RB1CC1: variants seen among roughly 807,000 people sequenced by gnomAD.
RB1CC1 encodes RB1-inducible coiled-coil protein 1.
Under a neutral mutation model 177.5 loss-of-function variants are expected in RB1CC1, and 46 were observed. That is an observed-to-expected ratio of 0.26 (90% CI 0.20 to 0.33). The LOEUF (loss-of-function observed/expected upper bound fraction) is 0.33, where lower values mean the gene tolerates loss of function less well. Ranked by LOEUF, RB1CC1 falls within the 10% of genes least tolerant of loss-of-function variation. RB1CC1 has a pLI of 1.00. For synonymous variants in RB1CC1, 666 were observed against 613.6 expected (o/e 1.09, Z -1.26); for missense variants, 1,703 against 1,816.3 (o/e 0.94, Z 1.13).
At position 52,656,769 on chromosome 8, in the gene RB1CC1, T is replaced by C; in HGVS notation, c.3060A>G (p.Glu1020=). 1 of 1,613,952 alleles carries C rather than the reference T, an allele frequency of 6.2e-7. No homozygotes were observed. The highest frequency in any genetic ancestry group is 2.2e-5 in the East Asian group (1 of 44,860). Residue 1020 remains glutamate (E), a synonymous_variant, in exon 15 of 24, where the codon GAA becomes GAG. Coordinates refer to ENST00000025008, the MANE Select transcript of RB1CC1 (RefSeq NM_014781.5). ...GTATTTGATTAATTATTTGTTGGTT[T>C]TCCTTTTTTAATTCCTCCAAAGAAA... ...HRVSLEELKK[E]NQQIINQIQE...
intron 18 of RB1CC1, among the ~76,000 whole-genome samples, chr8:52,638,160 T>C (rs551578737): frequency 2.0e-5 from 3 of 152,296 alleles, no homozygotes; most frequent in South Asian, 4.1e-4. Context: ...AGGAAGTCAA[T>C]TCCTAGTTTG....
At position 52,672,449 on chromosome 8, in the gene RB1CC1, G is replaced by GA. The variant is rs1324424441; in HGVS notation, c.1002+1395dup. On this transcript the variant is annotated intron_variant, in intron 7 of 23. Transcript: ENST00000025008. Reference sequence around the variant, plus strand: ...TGACATCTGGCACAGCTTAATTACAGAAAAAATGATAGGCCAGGTGCAGTG... The same window carrying GA: ...TGACATCTGGCACAGCTTAATTACAGAAAAAAATGATAGGCCAGGTGCAGTG... 8.5e-5 allele frequency among the ~76,000 whole-genome samples: 13 copies of GA among 152,230 alleles called. No homozygotes were observed. The East Asian group carries it at 1.4e-3, about 16-fold the overall frequency.
At chr8:52,701,152 T>C (rs1250433254) in intron 1 of RB1CC1, among the ~76,000 whole-genome samples, 2 of 152,092 alleles carry the variant, frequency 1.3e-5, no homozygotes, top group African/African-American at 4.8e-5. Context: ...GATGGAATTT[T>C]GCTCTTGTTG....
intron 18 of RB1CC1, among the ~76,000 whole-genome samples, chr8:52,637,683 A>ATT (rs1336118078): frequency 1.2e-4 from 18 of 151,636 alleles, no homozygotes; most frequent in Admixed American, 3.9e-4. Context: ...TTATTTATTT[A>ATT]TATATTTATT....
chr8:52,705,979 C>T (rs762068816), intron 1 of RB1CC1, among the ~76,000 whole-genome samples: 2 of 152,076 alleles, frequency 1.3e-5, no homozygotes, highest in Non-Finnish European at 1.5e-5. Flanking sequence ...TTTATTTTTA[C>T]AACTAATGCA....
intron 1 of RB1CC1, among the ~76,000 whole-genome samples, chr8:52,691,570 C>T (rs1854858228): frequency 6.6e-6 from 1 of 152,176 alleles, no homozygotes; most frequent in Non-Finnish European, 1.5e-5. Context: ...GACTCTAGAA[C>T]CTAAAATTTG....
chr8:52,660,239 G>C (rs970027783), intron 12 of RB1CC1, among the ~76,000 whole-genome samples: 1 of 151,992 alleles, frequency 6.6e-6, no homozygotes, highest in African/African-American at 2.4e-5. Context: ...AGGAGGAGGT[G>C]GAGGCTGTAA....
chr8:52,660,817 A>G (rs905946685), intron 11 of RB1CC1, 109 bp downstream of exon 11: 11 of 1,116,830 alleles, frequency 9.8e-6, no homozygotes, highest in Non-Finnish European at 1.3e-5. Flanking sequence ...TATTTCCTAG[A>G]TATCAATGGC....
At chr8:52,673,748 A>G (rs1378456833) in intron 7 of RB1CC1, 97 bp downstream of exon 7, 2 of 1,148,452 alleles carry the variant, frequency 1.7e-6, no homozygotes, top group Non-Finnish European at 2.4e-6. Context: ...TATTTCTACT[A>G]AAAGGTAATA....
At chr8:52,646,130 T>C (rs907909256) in intron 15 of RB1CC1, among the ~76,000 whole-genome samples, 2 of 152,138 alleles carry the variant, frequency 1.3e-5, no homozygotes, top group African/African-American at 4.8e-5. Context: ...TCAACATACA[T>C]AAAAATCAAG....
intron 16 of RB1CC1, among the ~76,000 whole-genome samples, chr8:52,644,786 T>G (rs899503440): frequency 2.6e-5 from 4 of 152,204 alleles, no homozygotes; most frequent in African/African-American, 9.7e-5. Context: ...ACAAAGACAC[T>G]AATTAATCAT....
At chr8:52,647,881 T>G (rs889070735) in intron 15 of RB1CC1, among the ~76,000 whole-genome samples, 1 of 152,086 alleles carries the variant, frequency 6.6e-6, no homozygotes, top group African/African-American at 2.4e-5. Flanking sequence ...TGTGGCACAG[T>G]AAAGAAGCCT....
chr8:52,673,967 T>C lies in RB1CC1; in HGVS notation c.880A>G (p.Ile294Val). The C allele has an allele frequency of 6.2e-7, 1 of 1,614,202 alleles. No homozygotes were observed. The highest frequency in any genetic ancestry group is 8.5e-7 in the Non-Finnish European group (1 of 1,180,026). The change falls in exon 7 of 24, where the codon ATT becomes GTT. Residue 294 changes from isoleucine to valine, a missense_variant. By Grantham distance (29) the Ile-to-Val change is conservative. Coordinates refer to ENST00000025008, the MANE Select transcript of RB1CC1 (RefSeq NM_014781.5). ...GGCAGATCACCATCTTTAGTGTCAA[T>C]CGTAGTTTCATCTTGCTGATGAACA... ...STVHQQDETT[I>V]DTKDGDLPFF...
At position 52,676,493 on chromosome 8, in the gene RB1CC1, A is replaced by G; in HGVS notation, c.448T>C (p.Trp150Arg). Residue 150 changes from tryptophan to arginine, a missense_variant, in exon 6 of 24, where the codon TGG (tryptophan) becomes CGG (arginine). Physicochemically the swap from Trp to Arg is moderately radical, Grantham distance 101 (BLOSUM62 -3). Coordinates refer to ENST00000025008, the MANE Select transcript of RB1CC1 (RefSeq NM_014781.5). ...VHDEHLQHQG[W>R]AAIMANLEDC... Reference sequence around the variant, plus strand: ...TCCAGGTTGGCCATGATTGCAGCCCAGCCTTGGTGTTGAAGATGTTCATCA... The same window carrying G: ...TCCAGGTTGGCCATGATTGCAGCCCGGCCTTGGTGTTGAAGATGTTCATCA... 6.2e-7 allele frequency: 1 copy of G among 1,613,776 alleles called. No homozygotes were observed. The highest frequency in any genetic ancestry group is 8.5e-7 in the Non-Finnish European group (1 of 1,179,876).
At chr8:52,692,678 T>G (rs1854993153) in intron 1 of RB1CC1, among the ~76,000 whole-genome samples, 1 of 152,276 alleles carries the variant, frequency 6.6e-6, no homozygotes, top group Admixed American at 6.5e-5. Context: ...TAAGACTACA[T>G]GTAGTAAGCA....
At chr8:52,658,838 G>A (rs750270547) in intron 13 of RB1CC1, 35 bp downstream of exon 13, 5 of 1,422,174 alleles carry the variant, frequency 3.5e-6, no homozygotes, top group South Asian at 1.3e-5. Flanking sequence ...ACATTTTAAG[G>A]TTATAAATTA....
At chr8:52,664,896 C>T (rs2150516511) in intron 8 of RB1CC1, among the ~76,000 whole-genome samples, 1 of 152,220 alleles carries the variant, frequency 6.6e-6, no homozygotes, top group South Asian at 2.1e-4. Flanking sequence ...ATAAAACCAT[C>T]CAATGTACCT....
In RB1CC1 at chr8:52,642,940, A is replaced by T. The variant is rs1054312856; in HGVS notation, c.3988-128T>A. On this transcript the variant is annotated intron_variant, in intron 16 of 23. Coordinates refer to ENST00000025008, the MANE Select transcript of RB1CC1 (RefSeq NM_014781.5). ...TGGAGATGATGGGGTATGATTCATG[A>T]AATGTTTTAAAAATGAAAATGTAAC... is the stretch of plus-strand genomic sequence containing the variant. 226 of 1,057,444 alleles carry T rather than the reference A, an allele frequency of 2.1e-4. 1 individual carries two copies. Among genetic ancestry groups the T allele is most frequent in the South Asian group, 5.9e-5 (2 of 33,772 alleles). The allele number at this position is 1,057,444 out of a possible 1,614,324, so 65.5% of individuals were successfully genotyped here.
chr8:52,673,788 GATAA>G (rs1852817010), intron 7 of RB1CC1, 53 bp downstream of exon 7: 8 of 1,418,188 alleles, frequency 5.6e-6, no homozygotes, highest in East Asian at 2.5e-5. Flanking sequence ...AAATATTTAG[GATAA>G]ATAATATAAA....
Sources: gnomAD v4.1 joint callset for allele counts (sites outside exome capture counted in the v4.1 genomes callset) on GRCh38, gnomAD v4.1.1 for gene constraint, MANE v1.5 for transcripts, NCBI Gene and HGNC (gene_info 2026-07-23, HGNC 2026-07-21) for gene names.